Variants in ATIC observed in about 807,000 individuals in gnomAD.
ATIC encodes the protein 5-aminoimidazole-4-carboxamide ribonucleotide formyltransferase/IMP cyclohydrolase, also known as bifunctional purine biosynthesis protein ATIC.
ATIC carries 64 observed loss-of-function variants against 72.5 expected under a neutral mutation model. The observed-to-expected ratio is 0.88, with a 90% confidence interval of 0.72 to 1.09. The LOEUF is 1.09. Ranked by LOEUF, ATIC falls within the 50% of genes least tolerant of loss-of-function variation. The pLI is 0.00. For synonymous variants in ATIC, 281 were observed against 267.1 expected, an observed-to-expected ratio of 1.05 and a Z score of -0.51; for missense variants, 787 against 732.4, an observed-to-expected ratio of 1.07 and a Z score of -0.86.
intron 10 of ATIC, 131 bp downstream of exon 10, chr2:215,335,135 T>C: frequency 2.1e-6 from 1 of 473,630 alleles, no homozygotes; most frequent in South Asian, 4.7e-5. Flanking sequence ...TATCATTTAA[T>C]GTTCATATTT....
At chr2:215,331,381 GT>G (rs66928848) in intron 7 of ATIC, among the ~76,000 whole-genome samples, 30,566 of 116,900 alleles carry the variant, frequency 0.26, 2,661 homozygotes, top group Non-Finnish European at 0.29. Context: ...TGTTTTTTGG[GT>G]TTTTTTTTTT....
At chr2:215,327,738 C>A (rs766394939) in intron 7 of ATIC, among the ~76,000 whole-genome samples, 1 of 152,078 alleles carries the variant, frequency 6.6e-6, no homozygotes, top group Non-Finnish European at 1.5e-5. Context: ...CTGCCTGGGG[C>A]GGTCAGCATT....
At chr2:215,323,554 A>G (rs915427302) in intron 4 of ATIC, among the ~76,000 whole-genome samples, 5 of 152,318 alleles carry the variant, frequency 3.3e-5, no homozygotes, top group Non-Finnish European at 5.9e-5. Flanking sequence ...TATATTGATC[A>G]TATATCCTGC....
At chr2:215,335,359 GA>G (rs2052943297) in intron 10 of ATIC, among the ~76,000 whole-genome samples, 1 of 152,134 alleles carries the variant, frequency 6.6e-6, no homozygotes, top group Non-Finnish European at 1.5e-5. Flanking sequence ...GTAAAAAACA[GA>G]AACTACATTA....
intron 14 of ATIC, chr2:215,347,660 G>A (rs1183769088): frequency 4.1e-6 from 2 of 488,522 alleles, no homozygotes; most frequent in South Asian, 1.5e-5. Flanking sequence ...GAGTGAGGCT[G>A]CAGAATGTAA....
downstream of ATIC, among the ~76,000 whole-genome samples, chr2:215,351,378 T>A (rs1400239954): frequency 6.6e-6 from 1 of 152,232 alleles, no homozygotes; most frequent in Non-Finnish European, 1.5e-5. Flanking sequence ...TAGCAGTAAA[T>A]AGCTAATACA....
intron 2 of ATIC, 29 bp downstream of exon 2, chr2:215,312,653 G>T: frequency 6.2e-7 from 1 of 1,614,088 alleles, no homozygotes; most frequent in South Asian, 1.1e-5. Flanking sequence ...CATCAGAAAG[G>T]AGTGTGATCA....
chr2:215,340,980 T>G (rs1445829655), intron 12 of ATIC, among the ~76,000 whole-genome samples: 1 of 152,144 alleles, frequency 6.6e-6, no homozygotes, highest in Non-Finnish European at 1.5e-5. Flanking sequence ...AGAGGATTGG[T>G]CTCTTAAGCT....
chr2:215,335,955 A>T (rs905469953), intron 10 of ATIC, 80 bp from the exon 11 acceptor site: 64 of 1,103,580 alleles, frequency 5.8e-5, no homozygotes, highest in Non-Finnish European at 7.9e-5. Flanking sequence ...ATTATTTAAG[A>T]CTGATAATTG....
Position 215,318,140 on chromosome 2 carries a change from G to A in ATIC, c.147-17G>A. The A allele has an allele frequency of 6.2e-7, 1 of 1,610,048 alleles. No homozygotes were observed. Among genetic ancestry groups the A allele is most frequent in the Non-Finnish European group, 8.5e-7 (1 of 1,176,368 alleles). On this transcript the variant is annotated splice_polypyrimidine_tract_variant and intron_variant, in intron 2 of 15. Transcript: ENST00000236959. ...TCAGCCACACCAGTAGTACCATTCTGTTTATCTGTTTTTCAGAGATGTCTC... is the reference window on the plus strand; with the variant it reads ...TCAGCCACACCAGTAGTACCATTCTATTTATCTGTTTTTCAGAGATGTCTC...
intron 12 of ATIC, 109 bp downstream of exon 12, chr2:215,339,016 G>C: frequency 7.0e-7 from 1 of 1,430,126 alleles, no homozygotes. Flanking sequence ...TGGTCTGTAT[G>C]CACACGGCTA....
the ATIC span, among the ~76,000 whole-genome samples, chr2:215,359,549 T>C: frequency 6.6e-6 from 1 of 152,214 alleles, no homozygotes; most frequent in South Asian, 2.1e-4. Flanking sequence ...TCTTGGTGAC[T>C]ATTGGGCTGA....
the ATIC span, among the ~76,000 whole-genome samples, chr2:215,358,159 C>T: frequency 6.6e-6 from 1 of 152,166 alleles, no homozygotes; most frequent in South Asian, 2.1e-4. Flanking sequence ...TGTTATTATA[C>T]AGACTTATTT....
intron 11 of ATIC, among the ~76,000 whole-genome samples, chr2:215,336,421 G>GT (rs762875534): frequency 1.3e-5 from 2 of 152,146 alleles, no homozygotes; most frequent in Non-Finnish European, 2.9e-5. Context: ...CTGTATTGTG[G>GT]TACTATGATG....
At chr2:215,333,564 A>G in intron 9 of ATIC, 107 bp downstream of exon 9, 3 of 755,276 alleles carry the variant, frequency 4.0e-6, no homozygotes, top group Non-Finnish European at 6.3e-6. Context: ...GATATTCTGT[A>G]TAATATATAG....
chr2:215,346,698 A>T (rs923426446), intron 13 of ATIC, 61 bp from the exon 14 acceptor site: 42 of 1,569,732 alleles, frequency 2.7e-5, no homozygotes, highest in Non-Finnish European at 3.6e-5. Context: ...TGCACAAAAG[A>T]TCCTTTTGAG....
At chr2:215,352,043 T>G (rs184114996), downstream of ATIC, among the ~76,000 whole-genome samples, 103 of 152,192 alleles carry the variant, frequency 6.8e-4, 2 homozygotes, top group African/African-American at 2.2e-3. Context: ...AAGAGAAGCA[T>G]GAGAAACTTT....
the ATIC span, chr2:215,364,359 T>A: frequency 1.1e-5 from 2 of 183,360 alleles, no homozygotes; most frequent in East Asian, 1.4e-4. Flanking sequence ...CAGAATGGAG[T>A]TGGAGGCCTA....
At chr2:215,359,363 T>TA in the ATIC span, among the ~76,000 whole-genome samples, 6 of 152,166 alleles carry the variant, frequency 3.9e-5, no homozygotes, top group Admixed American at 1.3e-4. Flanking sequence ...AGCATCAGCT[T>TA]ACTTTTTGCA....
Sources: gnomAD v4.1 joint callset for allele counts (sites outside exome capture counted in the v4.1 genomes callset) on GRCh38, gnomAD v4.1.1 for gene constraint, MANE v1.5 for transcripts, NCBI Gene and HGNC (gene_info 2026-07-23, HGNC 2026-07-21) for gene names.